TG: variants seen among roughly 807,000 people sequenced by gnomAD.
TG encodes thyroglobulin.
A neutral mutation model predicts 324.7 loss-of-function variants in TG; 270 were observed. The observed-to-expected ratio is 0.83, with a 90% CI of 0.75 to 0.92. The LOEUF (loss-of-function observed/expected upper bound fraction) is 0.92. Among genes scored for constraint, TG ranks in the 40% least tolerant of loss-of-function variants. TG has a pLI of 0.00. For synonymous variants in TG, 1,401 were observed against 1,327.0 expected, an observed-to-expected ratio of 1.06 and a Z score of -1.21; for missense variants, 3,591 against 3,456.4, an observed-to-expected ratio of 1.04 and a Z score of -0.98.
chr8:133,032,198 C>T (rs1198620619), intron 41 of TG, among the ~76,000 whole-genome samples: 1 of 152,246 alleles, frequency 6.6e-6, no homozygotes, highest in Non-Finnish European at 1.5e-5. Context: ...GATACACCAG[C>T]TCCCTCCCTT....
chr8:132,967,898 A>G lies in TG; in HGVS notation c.5791A>G (p.Ile1931Val), dbSNP rs115877910. 120 of 1,613,974 alleles carry G rather than the reference A, an allele frequency of 7.4e-5. No individual in the cohort carries two copies. The East Asian group carries it at 1.8e-3, about 25-fold the overall frequency. The change falls in exon 31 of 48, where the codon ATC (isoleucine) becomes GTC (valine). Residue 1931 changes from isoleucine (I) to valine (V), a missense_variant. Coordinates refer to ENST00000220616, the MANE Select transcript of TG (RefSeq NM_003235.5). ...LYPEAQVCDD[I>V]MESNAQGCRL... ...CCCAGAGGCACAGGTGTGTGATGAC[A>G]TCATGGAGTCCAATGCCCAGGGCTG...
rs146474537 is a variant in TG, at chr8:133,113,558, C to T, written c.7709C>T (p.Thr2570Met). 141 of 1,614,168 alleles carry T rather than the reference C, an allele frequency of 8.7e-5. No individual in the cohort carries two copies. Among genetic ancestry groups the T allele is most frequent in the East Asian group, 3.3e-4 (15 of 44,882 alleles). Residue 2570 changes from threonine to methionine, a missense_variant, in exon 44 of 48, where the codon ACG becomes ATG. Coordinates refer to ENST00000220616, the MANE Select transcript of TG (RefSeq NM_003235.5). ...ATWYYSLEHS[T>M]DDYASFSRAL... The stretch of plus-strand genomic sequence containing the variant: ...TGGTATTACTCTCTGGAGCACTCCA[C>T]GGATGACTATGCCTCCTTCTCCCGG...
At chr8:132,978,051 G>A (rs754404729) in intron 34 of TG, among the ~76,000 whole-genome samples, 1 of 152,178 alleles carries the variant, frequency 6.6e-6, no homozygotes, top group Non-Finnish European at 1.5e-5. Context: ...TGCTATAAAG[G>A]AGTATCCAAG....
intron 21 of TG, among the ~76,000 whole-genome samples, chr8:132,923,051 G>A (rs1215158399): frequency 6.6e-6 from 1 of 152,208 alleles, no homozygotes; most frequent in Non-Finnish European, 1.5e-5. Context: ...GATGAGTAAA[G>A]CTTGTGTTGG....
At chr8:132,985,568 T>C (rs1204390066) in intron 35 of TG, among the ~76,000 whole-genome samples, 5 of 152,194 alleles carry the variant, frequency 3.3e-5, no homozygotes, top group Non-Finnish European at 7.3e-5. Flanking sequence ...AGTAAATCAT[T>C]ATTATGGCCA....
rs923808214 is a variant in TG at position 132,886,634 on chromosome 8, T to C, written c.1262T>C (p.Leu421Pro). ...TIKELFVDSG[L>P]LRPMVEGQSQ... ...AAGGAGCTCTTTGTGGACTCTGGGC[T>C]TCTCCGCCCAATGGTGGAGGGACAG... Residue 421 changes from leucine to proline, a missense_variant, in exon 9 of 48, where the codon CTT becomes CCT. Transcript: ENST00000220616. 5 of 1,614,060 alleles carry C rather than the reference T, an allele frequency of 3.1e-6. No homozygotes were observed. In the African/African-American group the frequency reaches 5.3e-5, roughly 17 times the overall value.
chr8:133,102,635 A>T, intron 43 of TG: 1 of 1,424,934 alleles, frequency 7.0e-7, no homozygotes, highest in Non-Finnish European at 9.7e-7. Context: ...TTCTATTGAA[A>T]TTCTTCATCA....
chr8:132,994,821 G>A, intron 35 of TG: 1 of 1,285,860 alleles, frequency 7.8e-7, no homozygotes, highest in Non-Finnish European at 1.0e-6. Flanking sequence ...TGGGGAAAGA[G>A]GAGAGAAGGG....
chr8:132,983,352 G>T lies in TG; in HGVS notation c.6202G>T (p.Ala2068Ser). Residue 2068 changes from alanine to serine, a missense_variant and splice_region_variant, in exon 35 of 48, where the codon GCT becomes TCT. By Grantham distance (99) the Ala-to-Ser change is moderately conservative. Coordinates refer to ENST00000220616, the MANE Select transcript of TG (RefSeq NM_003235.5). ...YPFGWYQKPI[A>S]QNNAPSFCPL... ...AAAGACTGCTTTTTCCTTTTCAGTT[G>T]CTCAAAATAATGCTCCCAGTTTTTG... 6.2e-7 allele frequency: 1 copy of T among 1,614,064 alleles called. No homozygotes were observed. Among genetic ancestry groups the T allele is most frequent in the South Asian group, 1.1e-5 (1 of 91,074 alleles).
intron 43 of TG, among the ~76,000 whole-genome samples, chr8:133,113,197 A>G (rs1274833193): frequency 7.9e-5 from 12 of 152,210 alleles, no homozygotes; most frequent in Non-Finnish European, 2.9e-5. Flanking sequence ...TCCCATTTTC[A>G]GATGGGGAAG....
At chr8:133,101,095 G>A (rs1014600508) in intron 43 of TG, among the ~76,000 whole-genome samples, 1 of 152,028 alleles carries the variant, frequency 6.6e-6, no homozygotes, top group Non-Finnish European at 1.5e-5. Flanking sequence ...GGAGGGTGGC[G>A]GGTGGCAGGC....
rs142476625 is a variant in TG, at chr8:133,095,035, C to T, written c.7240-9C>T. ...GAACCATCTGCCCTGAGCCTGCTTTCTCTTCCAGGGAGGCTCCGCACTCTC... is the reference window on the plus strand; with the variant it reads ...GAACCATCTGCCCTGAGCCTGCTTTTTCTTCCAGGGAGGCTCCGCACTCTC... On this transcript the variant is annotated splice_polypyrimidine_tract_variant and intron_variant, in intron 41 of 47. Coordinates refer to ENST00000220616, the MANE Select transcript of TG (RefSeq NM_003235.5). The T allele has an allele frequency of 6.2e-7, 1 of 1,613,226 alleles. No homozygotes were observed. Among genetic ancestry groups the T allele is most frequent in the South Asian group, 1.1e-5 (1 of 91,032 alleles).
At chr8:132,886,309 C>G (rs1815409741) in intron 8 of TG, 139 bp from the exon 9 acceptor site, 2 of 1,228,770 alleles carry the variant, frequency 1.6e-6, no homozygotes, top group Non-Finnish European at 2.3e-6. Flanking sequence ...TAAAATGACA[C>G]AGAGAAGAAA....
chr8:133,131,250 A>T (rs1269783165), intron 45 of TG, among the ~76,000 whole-genome samples: 1 of 152,200 alleles, frequency 6.6e-6, no homozygotes, highest in Admixed American at 6.5e-5. Flanking sequence ...CCAAGTCATT[A>T]TTCCCACCAG....
At chr8:132,974,166 G>A (rs991047400) in intron 34 of TG, among the ~76,000 whole-genome samples, 18 of 151,868 alleles carry the variant, frequency 1.2e-4, no homozygotes, top group Non-Finnish European at 2.5e-4. Context: ...GCTAATTTTT[G>A]TATTTTCAGT....
chr8:132,901,774 AC>A (rs1165249255), intron 16 of TG, among the ~76,000 whole-genome samples: 1 of 151,734 alleles, frequency 6.6e-6, no homozygotes, highest in Non-Finnish European at 1.5e-5. Context: ...TGGGCAGGGA[AC>A]CCCCAGAACT....
chr8:132,906,981 G>C lies in TG; in HGVS notation c.3847+81G>C, dbSNP rs958788693. 1.5e-5 allele frequency: 21 copies of C among 1,433,274 alleles called. No homozygotes were observed. The South Asian group carries it at 2.6e-4, about 18-fold the overall frequency. 88.8% of individuals were successfully genotyped at this position (1,433,274 alleles called of 1,614,324 possible). ...GGGACCGAGATATGGAGGCGTGGCTGCTCCATTTCCCCACCCAAATGTAGC... is the reference window on the plus strand; with the variant it reads ...GGGACCGAGATATGGAGGCGTGGCTCCTCCATTTCCCCACCCAAATGTAGC... On this transcript the variant is annotated intron_variant, in intron 17 of 47. Transcript: ENST00000220616.
At chr8:132,873,353 C>A in intron 5 of TG, 132 bp downstream of exon 5, 1 of 1,240,242 alleles carries the variant, frequency 8.1e-7, no homozygotes, top group Non-Finnish European at 1.1e-6. Flanking sequence ...TTCTCATGAG[C>A]TGTCCTGGGC....
chr8:133,054,803 A>G (rs1841061880), intron 41 of TG, among the ~76,000 whole-genome samples: 1 of 152,180 alleles, frequency 6.6e-6, no homozygotes, highest in Admixed American at 6.5e-5. Flanking sequence ...CGAATCCACA[A>G]AGGGGAGGGA....
Sources: allele counts gnomAD v4.1 joint callset (sites outside exome capture counted in the v4.1 genomes callset), GRCh38; gene constraint gnomAD v4.1.1; transcripts MANE v1.5; gene names NCBI Gene and HGNC (gene_info 2026-07-23, HGNC 2026-07-21).